The following PTPRD variants were observed in gnomAD, a reference collection of about 807,000 sequenced individuals.
The protein encoded by PTPRD is protein tyrosine phosphatase receptor type D, also known as receptor-type tyrosine-protein phosphatase delta.
A neutral mutation model predicts 214.5 loss-of-function variants in PTPRD; 34 were observed. The observed-to-expected ratio is 0.16, with a 90% CI of 0.12 to 0.21. PTPRD has a LOEUF of 0.21. PTPRD is among the 10% of genes least tolerant of loss of function. PTPRD has a pLI of 1.00. For missense variants in PTPRD, 2,545 were observed against 2,398.7 expected (o/e 1.06, Z -1.27); for synonymous variants, 1,128 against 845.7 (o/e 1.33, Z -5.79).
chr9:8,714,337 A>G (rs1444658944), intron 12 of PTPRD, among the ~76,000 whole-genome samples: 2 of 151,744 alleles, frequency 1.3e-5, no homozygotes, highest in African/African-American at 4.8e-5. Flanking sequence ...GTTTTGTTTT[A>G]TATCACGGCC....
chr9:10,034,323 C>A (rs977277414), intron 3 of PTPRD, among the ~76,000 whole-genome samples: 1 of 151,698 alleles, frequency 6.6e-6, no homozygotes, highest in African/African-American at 2.4e-5. Flanking sequence ...AACCTCTATT[C>A]CTTCTGCTAA....
chr9:10,491,541 A>C (rs960707682), intron 2 of PTPRD, among the ~76,000 whole-genome samples: 3 of 152,048 alleles, frequency 2.0e-5, no homozygotes, highest in East Asian at 1.9e-4. Context: ...AACAAAAAAA[A>C]CCCATTGAAA....
At chr9:10,158,865 G>A (rs1256327728) in intron 3 of PTPRD, among the ~76,000 whole-genome samples, 1 of 152,098 alleles carries the variant, frequency 6.6e-6, no homozygotes, top group African/African-American at 2.4e-5. Flanking sequence ...TGCCTAAAGG[G>A]CAAAATATCC....
chr9:10,456,361 G>C (rs939129998), intron 2 of PTPRD, among the ~76,000 whole-genome samples: 4 of 151,884 alleles, frequency 2.6e-5, no homozygotes, highest in African/African-American at 7.2e-5. Flanking sequence ...TATTGCACTT[G>C]CCATGCAATC....
chr9:9,485,277 A>G (rs2095580208), intron 8 of PTPRD, among the ~76,000 whole-genome samples: 2 of 152,232 alleles, frequency 1.3e-5, no homozygotes, highest in Non-Finnish European at 2.9e-5. Flanking sequence ...TAAAGTAGTA[A>G]AACATGTCAT....
intron 3 of PTPRD, among the ~76,000 whole-genome samples, chr9:10,048,256 C>G (rs962622851): frequency 3.4e-5 from 4 of 116,194 alleles, no homozygotes; most frequent in African/African-American, 4.2e-5. Context: ...CCTTGCTAAC[C>G]TTTTCTTCTT....
chr9:10,118,907 A>G (rs1301558926), intron 3 of PTPRD, among the ~76,000 whole-genome samples: 1 of 139,226 alleles, frequency 7.2e-6, no homozygotes, highest in Non-Finnish European at 1.6e-5. Context: ...AATAATAATA[A>G]AGGAGATGAA....
intron 8 of PTPRD, among the ~76,000 whole-genome samples, chr9:9,510,846 C>A (rs780240923): frequency 1.3e-5 from 2 of 151,584 alleles, no homozygotes; most frequent in African/African-American, 2.4e-5. Context: ...AAAATTTTTA[C>A]TCATTTTACA....
intron 11 of PTPRD, among the ~76,000 whole-genome samples, chr9:8,945,857 T>C (rs2099060917): frequency 6.6e-6 from 1 of 152,168 alleles, no homozygotes; most frequent in South Asian, 2.1e-4. Context: ...AAAACCCAAT[T>C]CCTTCAGGAA....
intron 10 of PTPRD, among the ~76,000 whole-genome samples, chr9:9,030,576 T>A (rs985056869): frequency 1.3e-5 from 2 of 151,894 alleles, no homozygotes; most frequent in African/African-American, 4.8e-5. Context: ...ACAGAGCCAA[T>A]AGAGAAAGAT....
At chr9:9,931,123 C>T (rs998303468) in intron 5 of PTPRD, among the ~76,000 whole-genome samples, 10 of 151,902 alleles carry the variant, frequency 6.6e-5, no homozygotes, top group Non-Finnish European at 1.5e-5. Context: ...ATTTAATTGA[C>T]AATTTTCAAA....
At chr9:9,353,134 T>G (rs1371284120) in intron 9 of PTPRD, among the ~76,000 whole-genome samples, 1 of 151,972 alleles carries the variant, frequency 6.6e-6, no homozygotes, top group Non-Finnish European at 1.5e-5. Context: ...GTCAAAAGAC[T>G]GTCCTTGAAA....
chr9:10,582,014 T>G (rs1203087417), intron 2 of PTPRD, among the ~76,000 whole-genome samples: 5 of 152,154 alleles, frequency 3.3e-5, no homozygotes, highest in Non-Finnish European at 5.9e-5. Flanking sequence ...AGTTGGAAAT[T>G]TGGGGGATAA....
intron 11 of PTPRD, among the ~76,000 whole-genome samples, chr9:8,764,220 C>T (rs988074525): frequency 6.6e-6 from 1 of 152,100 alleles, no homozygotes; most frequent in African/African-American, 2.4e-5. Context: ...TTTTCTTCTT[C>T]CTACTCTACA....
chr9:10,244,716 G>A (rs1331066726), intron 3 of PTPRD, among the ~76,000 whole-genome samples: 1 of 152,064 alleles, frequency 6.6e-6, no homozygotes. Flanking sequence ...TTGGCTAAAG[G>A]AACTGAAGTT....
chr9:9,762,047 A>G (rs1300878811), intron 6 of PTPRD, among the ~76,000 whole-genome samples: 3 of 152,188 alleles, frequency 2.0e-5, no homozygotes, highest in African/African-American at 4.8e-5. Flanking sequence ...CACCACCTCC[A>G]TAACTGTAGG....
chr9:9,118,014 T>G (rs543293794), intron 10 of PTPRD, among the ~76,000 whole-genome samples: 1 of 152,166 alleles, frequency 6.6e-6, no homozygotes, highest in South Asian at 2.1e-4. Context: ...GACAGGGACA[T>G]GCAAGTGAGG....
intron 12 of PTPRD, among the ~76,000 whole-genome samples, chr9:8,679,043 C>T (rs1356543349): frequency 3.9e-5 from 6 of 152,068 alleles, no homozygotes; most frequent in Admixed American, 2.6e-4. Context: ...TGACCCTGTT[C>T]GAAGTACATA....
intron 6 of PTPRD, among the ~76,000 whole-genome samples, chr9:9,759,986 T>G (rs986639587): frequency 6.6e-6 from 1 of 152,202 alleles, no homozygotes; most frequent in Non-Finnish European, 1.5e-5. Context: ...GTTGTACATT[T>G]TGCTCATGTT....
Sources: gnomAD v4.1 joint callset for allele counts (sites outside exome capture counted in the v4.1 genomes callset) on GRCh38, gnomAD v4.1.1 for gene constraint, MANE v1.5 for transcripts, NCBI Gene and HGNC (gene_info 2026-07-23, HGNC 2026-07-21) for gene names.